RAD51B: variants seen among roughly 807,000 people sequenced by gnomAD.
RAD51B encodes the protein DNA repair protein RAD51 homolog 2.
A neutral mutation model predicts 42.2 loss-of-function variants in RAD51B; 38 were observed. The ratio of observed to expected loss-of-function variants is 0.90; its 90% CI spans 0.70 to 1.18. The LOEUF is 1.18. RAD51B is among the 50% of genes most tolerant of loss of function. The pLI, the probability that RAD51B is intolerant of heterozygous loss-of-function variation, is 0.00. For synonymous variants in RAD51B, 154 were observed against 145.2 expected, an observed-to-expected ratio of 1.06 and a Z score of -0.43; for missense variants, 373 against 400.7, an observed-to-expected ratio of 0.93 and a Z score of 0.59.
chr14:68,434,093 T>C (rs535082178), intron 9 of RAD51B, among the ~76,000 whole-genome samples: 1 of 152,298 alleles, frequency 6.6e-6, no homozygotes, highest in East Asian at 1.9e-4. Flanking sequence ...TGCCTCATCG[T>C]TCCTCTGGAA....
Position 68,355,199 on chromosome 14 carries a change from AT to A in RAD51B, c.854-56219del, listed in dbSNP as rs538079602. ...TTATGTCCCATTTCTTATGTTGCCTATTTTTTGGAGACATATTTGTTTGTTA... is the reference window on the plus strand; with the variant it reads ...TTATGTCCCATTTCTTATGTTGCCTATTTTTGGAGACATATTTGTTTGTTA... On this transcript the variant is annotated intron_variant, in intron 8 of 10. Transcript: ENST00000471583. Among the ~76,000 whole-genome samples the A allele has an allele frequency of 2.4e-4, 37 of 152,258 alleles. No homozygotes were observed. In the South Asian group the frequency reaches 7.5e-3, roughly 31 times the overall value.
intron 7 of RAD51B, among the ~76,000 whole-genome samples, chr14:68,158,333 A>G (rs1238663292): frequency 6.6e-6 from 1 of 152,240 alleles, no homozygotes; most frequent in Non-Finnish European, 1.5e-5. Context: ...ATAATTCTTC[A>G]GTGTAACACT....
intron 10 of RAD51B, among the ~76,000 whole-genome samples, chr14:68,589,283 A>G (rs1178792382): frequency 6.6e-6 from 1 of 152,162 alleles, no homozygotes. Flanking sequence ...TACAAACAAG[A>G]GAGTGGCCTA....
At chr14:68,567,050 A>G (rs959164846) in intron 10 of RAD51B, among the ~76,000 whole-genome samples, 8 of 152,176 alleles carry the variant, frequency 5.3e-5, no homozygotes, top group African/African-American at 1.9e-4. Context: ...CTATAATCCC[A>G]GCACTTTGGA....
intron 3 of RAD51B, 65 bp downstream of exon 3, chr14:67,825,642 T>A (rs963684617): frequency 4.8e-6 from 6 of 1,239,424 alleles, no homozygotes; most frequent in African/African-American, 1.5e-5. Flanking sequence ...CATGTTTTTT[T>A]AGGGATGAGG....
intron 7 of RAD51B, among the ~76,000 whole-genome samples, chr14:68,090,683 T>A (rs986475370): frequency 5.3e-5 from 8 of 150,396 alleles, no homozygotes; most frequent in East Asian, 3.9e-4. Context: ...ATTTTATTTA[T>A]TTTATTTATT....
intron 7 of RAD51B, among the ~76,000 whole-genome samples, chr14:68,089,088 G>A (rs886465360): frequency 6.7e-6 from 1 of 150,022 alleles, no homozygotes; most frequent in African/African-American, 2.5e-5. Flanking sequence ...TTTTTTTCCT[G>A]GGCCCCCTTA....
chr14:68,447,637 T>G (rs1247731703), intron 9 of RAD51B, among the ~76,000 whole-genome samples: 1 of 152,224 alleles, frequency 6.6e-6, no homozygotes, highest in Non-Finnish European at 1.5e-5. Flanking sequence ...TAAGGCTCTT[T>G]GAAAAGTTTC....
intron 7 of RAD51B, among the ~76,000 whole-genome samples, chr14:67,956,951 A>G (rs909584970): frequency 2.0e-5 from 3 of 152,234 alleles, no homozygotes; most frequent in Non-Finnish European, 4.4e-5. Flanking sequence ...ATTGTTTTGG[A>G]CAGGCTTGTC....
At chr14:67,881,118 A>G (rs1345585669) in intron 5 of RAD51B, among the ~76,000 whole-genome samples, 1 of 152,224 alleles carries the variant, frequency 6.6e-6, no homozygotes, top group African/African-American at 2.4e-5. Context: ...GTATTTGTGT[A>G]TCTAAACAAA....
At chr14:68,329,014 G>A (rs901333251) in intron 8 of RAD51B, among the ~76,000 whole-genome samples, 4 of 152,052 alleles carry the variant, frequency 2.6e-5, no homozygotes, top group Admixed American at 2.6e-4. Flanking sequence ...TTTTATTTAT[G>A]TATATATTTT....
chr14:67,881,289 G>T (rs1243268679), intron 5 of RAD51B, among the ~76,000 whole-genome samples: 7 of 152,078 alleles, frequency 4.6e-5, no homozygotes, highest in Admixed American at 6.6e-5. Flanking sequence ...TGAAAATTCT[G>T]CCCAATGCCC....
chr14:67,995,808 G>A (rs913935303), intron 7 of RAD51B, among the ~76,000 whole-genome samples: 5 of 151,836 alleles, frequency 3.3e-5, no homozygotes, highest in East Asian at 2.0e-4. Flanking sequence ...TAGTAGAGAC[G>A]AGGTTTCACC....
chr14:68,538,697 A>T (rs2140363241), intron 10 of RAD51B, among the ~76,000 whole-genome samples: 1 of 152,028 alleles, frequency 6.6e-6, no homozygotes. Flanking sequence ...GATTTTGAAT[A>T]AGAATAGAGA....
intron 10 of RAD51B, among the ~76,000 whole-genome samples, chr14:68,504,662 C>CTTTTTTTTTT (rs57967320): frequency 3.3e-5 from 3 of 90,434 alleles, no homozygotes; most frequent in Non-Finnish European, 4.2e-5. Flanking sequence ...TTTTTTCTTT[C>CTTTTTTTTTT]TTTTTTTTTT....
chr14:68,093,900 C>T lies in RAD51B; in HGVS notation c.757-197984C>T, dbSNP rs2077147094. ...TTGTAGGGTCATCAAGCATACACAC[C>T]CTGATGGTCACTAAATCCTGCCAGA... On this transcript the variant is annotated intron_variant, in intron 7 of 10. Coordinates refer to ENST00000471583, the MANE Select transcript of RAD51B (RefSeq NM_133510.4). 2.0e-5 allele frequency among the ~76,000 whole-genome samples: 3 copies of T among 152,134 alleles called. No individual in the cohort carries two copies. In the East Asian group the frequency reaches 5.8e-4, roughly 29 times the overall value.
chr14:68,581,752 A>C (rs1462552860), intron 10 of RAD51B, among the ~76,000 whole-genome samples: 1 of 152,212 alleles, frequency 6.6e-6, no homozygotes, highest in Non-Finnish European at 1.5e-5. Flanking sequence ...ACCTGACTTC[A>C]AACTATACTA....
chr14:68,187,635 C>T (rs2079183906), intron 7 of RAD51B, among the ~76,000 whole-genome samples: 1 of 152,070 alleles, frequency 6.6e-6, no homozygotes, highest in Non-Finnish European at 1.5e-5. Flanking sequence ...GAAAAAGTTC[C>T]CCATAATCTT....
chr14:68,632,692 A>C (rs1481116864), intron 10 of RAD51B, among the ~76,000 whole-genome samples: 3 of 152,126 alleles, frequency 2.0e-5, no homozygotes, highest in African/African-American at 7.2e-5. Flanking sequence ...GATGGGAAGC[A>C]ACTGTCCAAA....
Sources: gnomAD v4.1 joint callset for allele counts (sites outside exome capture counted in the v4.1 genomes callset) on GRCh38, gnomAD v4.1.1 for gene constraint, MANE v1.5 for transcripts, NCBI Gene and HGNC (gene_info 2026-07-23, HGNC 2026-07-21) for gene names.